Variants in FOXP2 observed in about 807,000 individuals in gnomAD.
The protein encoded by FOXP2 is forkhead box P2.
In FOXP2, 12 loss-of-function variants were observed where a neutral mutation model predicts 115.8. The observed-to-expected ratio is 0.10, with a 90% CI of 0.07 to 0.17. FOXP2 has a LOEUF of 0.17. Among genes scored for constraint, FOXP2 ranks in the 10% least tolerant of loss-of-function variants. FOXP2 has a pLI of 1.00. For synonymous variants in FOXP2, 328 were observed against 297.7 expected, an observed-to-expected ratio of 1.10 and a Z score of -1.05; for missense variants, 629 against 843.5, an observed-to-expected ratio of 0.75 and a Z score of 3.15.
At position 114,662,070 on chromosome 7, in the gene FOXP2, A is replaced by G. The variant is rs1563066643; in HGVS notation, c.1653A>G (p.Ala551=). Residue 551 remains alanine, a synonymous_variant, in exon 14 of 17, where the codon GCA becomes GCG. Coordinates refer to ENST00000350908, the MANE Select transcript of FOXP2 (RefSeq NM_014491.4). ...FRRNAATWKN[A]VRHNLSLHKC... is the part of the protein sequence containing the mutation. Reference sequence around the variant, plus strand: ...TTCTCTTCTGTCTGCTTTAGAATGCAGTACGTCATAATCTTAGCCTGCACA... The same window carrying G: ...TTCTCTTCTGTCTGCTTTAGAATGCGGTACGTCATAATCTTAGCCTGCACA... The G allele has an allele frequency of 6.2e-7, 1 of 1,612,704 alleles. No individual in the cohort carries two copies. The highest frequency in any genetic ancestry group is 8.5e-7 in the Non-Finnish European group (1 of 1,178,992).
chr7:114,408,551 A>G (rs1793089993), intron 2 of FOXP2, among the ~76,000 whole-genome samples: 1 of 151,916 alleles, frequency 6.6e-6, no homozygotes, highest in African/African-American at 2.4e-5. Context: ...ATATGGTGAA[A>G]CCCTGTCTCT....
chr7:114,154,664 T>G (rs953948647), intron 1 of FOXP2, among the ~76,000 whole-genome samples: 6 of 152,158 alleles, frequency 3.9e-5, no homozygotes, highest in Non-Finnish European at 7.4e-5. Context: ...GTTCTACTTT[T>G]GATTAAATAT....
At chr7:114,623,069 G>T (rs1804340753) in intron 3 of FOXP2, among the ~76,000 whole-genome samples, 1 of 151,856 alleles carries the variant, frequency 6.6e-6, no homozygotes, top group Admixed American at 6.6e-5. Context: ...TTATATTCTA[G>T]ATTTTACAAC....
chr7:114,654,053 G>A (rs776595172), intron 10 of FOXP2, 44 bp downstream of exon 10: 10 of 1,612,132 alleles, frequency 6.2e-6, no homozygotes, highest in Non-Finnish European at 7.6e-6. Flanking sequence ...CTCTACCAAT[G>A]TAACAGACTA....
intron 1 of FOXP2, among the ~76,000 whole-genome samples, chr7:114,262,996 C>T (rs1795794798): frequency 6.6e-6 from 1 of 152,310 alleles, no homozygotes; most frequent in African/African-American, 2.4e-5. Flanking sequence ...ATTCCCTACA[C>T]TCTTAGCTAA....
chr7:114,288,883 C>T (rs1256892289), intron 2 of FOXP2, among the ~76,000 whole-genome samples: 3 of 151,722 alleles, frequency 2.0e-5, no homozygotes, highest in Non-Finnish European at 4.4e-5. Context: ...TAGTTTATAT[C>T]ATTTCTTTCC....
chr7:114,260,210 T>C (rs1326802454), intron 1 of FOXP2, among the ~76,000 whole-genome samples: 1 of 145,122 alleles, frequency 6.9e-6, no homozygotes, highest in African/African-American at 2.6e-5. Context: ...TTTTTTTACA[T>C]AAACAACAAT....
At chr7:114,274,368 T>A (rs999830826) in intron 1 of FOXP2, among the ~76,000 whole-genome samples, 1 of 152,068 alleles carries the variant, frequency 6.6e-6, no homozygotes, top group Non-Finnish European at 1.5e-5. Flanking sequence ...AATAAAAGTT[T>A]TAATTTTACC....
chr7:114,439,712 T>C (rs948230908), intron 2 of FOXP2, among the ~76,000 whole-genome samples: 4 of 152,026 alleles, frequency 2.6e-5, no homozygotes, highest in Admixed American at 1.3e-4. Flanking sequence ...GCCTAGCTCC[T>C]AATTTTTTTT....
chr7:114,337,357 T>A (rs1407516970), intron 2 of FOXP2, among the ~76,000 whole-genome samples: 1 of 151,346 alleles, frequency 6.6e-6, no homozygotes, highest in East Asian at 1.9e-4. Context: ...AAAGAAAAGA[T>A]TCATGGGACA....
intron 3 of FOXP2, among the ~76,000 whole-genome samples, chr7:114,549,246 A>G (rs1800085099): frequency 6.6e-6 from 1 of 152,168 alleles, no homozygotes; most frequent in Non-Finnish European, 1.5e-5. Flanking sequence ...TACTGTCCAT[A>G]TATTCCTTTT....
chr7:114,310,675 T>C (rs74682814), intron 2 of FOXP2, among the ~76,000 whole-genome samples: 5,191 of 152,186 alleles, frequency 0.034, 206 homozygotes, highest in African/African-American at 0.093. Context: ...GTTGTTGTTG[T>C]TGTTGGACAA....
intron 2 of FOXP2, 94 bp from the exon 3 acceptor site, chr7:114,534,523 C>A: frequency 9.9e-7 from 1 of 1,014,054 alleles, no homozygotes; most frequent in Non-Finnish European, 1.6e-6. Context: ...TATGGGAGTT[C>A]TTGTACATTG....
intron 1 of FOXP2, among the ~76,000 whole-genome samples, chr7:114,287,185 GGAA>G (rs1380931346): frequency 2.0e-5 from 3 of 151,716 alleles, no homozygotes; most frequent in African/African-American, 4.8e-5. Flanking sequence ...GGGCCACATT[GGAA>G]GAAGAAGAAT....
intron 2 of FOXP2, among the ~76,000 whole-genome samples, chr7:114,379,268 G>T (rs888438745): frequency 1.1e-4 from 16 of 152,028 alleles, no homozygotes; most frequent in African/African-American, 3.9e-4. Flanking sequence ...TCCTGTTTTT[G>T]CATAATTAGC....
intron 1 of FOXP2, among the ~76,000 whole-genome samples, chr7:114,275,888 C>T (rs146713234): frequency 0.017 from 2,597 of 152,220 alleles, 39 homozygotes; most frequent in African/African-American, 0.033. Context: ...GAGCTTATGA[C>T]TTTTGATTGT....
At position 114,327,037 on chromosome 7, in the gene FOXP2, A is replaced by G. The variant is rs546927131; in HGVS notation, c.-11+38928A>G. Among the ~76,000 whole-genome samples, 15 of 152,312 alleles carry G rather than the reference A, an allele frequency of 9.8e-5. No homozygotes were observed. The South Asian group carries it at 3.1e-3, about 32-fold the overall frequency. ...AACCTTTCATCCTTTGGCTCAGAGC[A>G]TAGAAATTCACTTCCTCTAGGAAGC... On this transcript the variant is annotated intron_variant, in intron 2 of 17. Coordinates refer to the FOXP2 transcript ENST00000634411.
intron 1 of FOXP2, among the ~76,000 whole-genome samples, chr7:114,225,973 A>G (rs933991455): frequency 6.6e-6 from 1 of 152,160 alleles, no homozygotes; most frequent in African/African-American, 2.4e-5. Context: ...CCAAAGTCAC[A>G]CAGTTGGTGG....
At chr7:114,494,148 A>C (rs1211262665) in intron 2 of FOXP2, among the ~76,000 whole-genome samples, 2 of 152,172 alleles carry the variant, frequency 1.3e-5, no homozygotes. Flanking sequence ...TGCAATAACA[A>C]AGTAAAGTTT....
Sources: allele counts gnomAD v4.1 joint callset (sites outside exome capture counted in the v4.1 genomes callset), GRCh38; gene constraint gnomAD v4.1.1; transcripts MANE v1.5; gene names NCBI Gene and HGNC (gene_info 2026-07-23, HGNC 2026-07-21).